The following TANK variants were observed in gnomAD, a reference collection of about 807,000 sequenced individuals.
The protein encoded by TANK is TRAF family member-associated NF-kappa-B activator.
A neutral mutation model predicts 43.6 loss-of-function variants in TANK; 15 were observed. The observed-to-expected ratio is 0.34, with a 90% CI of 0.23 to 0.53. The LOEUF is 0.53. Ranked by LOEUF, TANK falls within the 20% of genes least tolerant of loss-of-function variation. The probability of loss-of-function intolerance (pLI) is 0.94; values close to 1 mark genes in which losing one functional copy is unlikely to be tolerated. For synonymous variants in TANK, 162 were observed against 178.2 expected, an observed-to-expected ratio of 0.91 and a Z score of 0.73; for missense variants, 417 against 498.6, an observed-to-expected ratio of 0.84 and a Z score of 1.56.
chr2:161,184,514 A>G (rs1685570709), intron 2 of TANK, among the ~76,000 whole-genome samples: 2 of 152,140 alleles, frequency 1.3e-5, no homozygotes, highest in South Asian at 4.1e-4. Flanking sequence ...TTATACCTCA[A>G]TTTTTTAAAA....
chr2:161,142,810 T>C (rs907294757), intron 1 of TANK, among the ~76,000 whole-genome samples: 7 of 152,192 alleles, frequency 4.6e-5, no homozygotes, highest in African/African-American at 1.7e-4. Flanking sequence ...ATGGACTCTT[T>C]TGGGGTTTCC....
intron 4 of TANK, among the ~76,000 whole-genome samples, chr2:161,218,170 A>G (rs1245858424): frequency 6.6e-6 from 1 of 152,188 alleles, no homozygotes; most frequent in African/African-American, 2.4e-5. Flanking sequence ...ACGCAGCAAA[A>G]AAAAGGCTAT....
intron 1 of TANK, among the ~76,000 whole-genome samples, chr2:161,171,304 G>A (rs751318516): frequency 2.6e-5 from 4 of 152,146 alleles, no homozygotes; most frequent in South Asian, 2.1e-4. Flanking sequence ...ATTAGATCTG[G>A]TTTTAAGCTA....
At chr2:161,156,378 C>G (rs981717600), upstream of TANK, 1 of 985,028 alleles carries the variant, frequency 1.0e-6, no homozygotes, top group Non-Finnish European at 1.2e-6. Flanking sequence ...TTTTATTTCA[C>G]CTTGTCTCTA....
chr2:161,216,636 A>G (rs895030640), intron 4 of TANK, among the ~76,000 whole-genome samples: 1 of 148,512 alleles, frequency 6.7e-6, no homozygotes, highest in Non-Finnish European at 1.5e-5. Context: ...TGGGAATTTT[A>G]TTACTCAGGA....
intron 1 of TANK, among the ~76,000 whole-genome samples, chr2:161,173,482 C>T (rs538180322): frequency 4.6e-5 from 7 of 152,170 alleles, no homozygotes; most frequent in African/African-American, 1.7e-4. Flanking sequence ...TTCTATTGAG[C>T]CTTTATCTTG....
In TANK at chr2:161,160,480, G is replaced by T; in HGVS notation, c.-56G>T. 8.0e-7 allele frequency: 1 copy of T among 1,244,406 alleles called. No individual in the cohort carries two copies. Among genetic ancestry groups the T allele is most frequent in the Non-Finnish European group, 1.0e-6 (1 of 993,582 alleles). The allele number at this position is 1,244,406 out of a possible 1,614,324, so 77.1% of individuals were successfully genotyped here. A position where few individuals can be genotyped will look rare whatever the true frequency, so the allele number is the denominator to read the frequency against. On this transcript the variant is annotated 5_prime_UTR_variant, in exon 1 of 8. Coordinates refer to ENST00000392749, the MANE Select transcript of TANK (RefSeq NM_001199135.3). ...GGAGAGGGAACGCAGCTGAAAGCGT[G>T]AACTGTGTGAGTAAGAAACTTTGTG...
At chr2:161,200,259 G>A (rs908116981) in intron 2 of TANK, 10 of 667,598 alleles carry the variant, frequency 1.5e-5, no homozygotes, top group East Asian at 1.4e-4. Flanking sequence ...TTTCTGTTTC[G>A]TGGGGTCTTT....
intron 4 of TANK, among the ~76,000 whole-genome samples, chr2:161,205,514 A>G (rs1180437861): frequency 1.3e-5 from 2 of 152,056 alleles, no homozygotes; most frequent in East Asian, 3.8e-4. Context: ...AGAAAAATAC[A>G]CCCAACTAGC....
At chr2:161,222,291 C>T (rs1318018362) in intron 4 of TANK, among the ~76,000 whole-genome samples, 2 of 151,886 alleles carry the variant, frequency 1.3e-5, no homozygotes, top group Admixed American at 6.6e-5. Flanking sequence ...CTTGCTCTGT[C>T]GCCCAGGCTG....
chr2:161,153,329 A>T (rs1684130039), intron 1 of TANK, among the ~76,000 whole-genome samples: 1 of 152,054 alleles, frequency 6.6e-6, no homozygotes, highest in South Asian at 2.1e-4. Context: ...AGTCCAATAT[A>T]GAGGCCTTCT....
chr2:161,183,767 G>A (rs1044078296), intron 2 of TANK, among the ~76,000 whole-genome samples: 1 of 151,892 alleles, frequency 6.6e-6, no homozygotes, highest in African/African-American at 2.4e-5. Flanking sequence ...AACATTTATT[G>A]AGTACCTCCT....
At chr2:161,209,360 A>G (rs2105355018) in intron 4 of TANK, among the ~76,000 whole-genome samples, 1 of 152,356 alleles carries the variant, frequency 6.6e-6, no homozygotes, top group Admixed American at 6.5e-5. Flanking sequence ...ATTTTCAGAC[A>G]TAGTAACTTA....
At chr2:161,172,406 T>A in intron 1 of TANK, among the ~76,000 whole-genome samples, 1 of 147,342 alleles carries the variant, frequency 6.8e-6, no homozygotes, top group African/African-American at 2.5e-5. Context: ...TAATTGGCCA[T>A]CCAAGGATGT....
At chr2:161,198,631 C>A (rs41517051) in intron 2 of TANK, among the ~76,000 whole-genome samples, 6,200 of 152,326 alleles carry the variant, frequency 0.041, 263 homozygotes, top group East Asian at 0.18. Context: ...GAGACAAATA[C>A]TTTATATATT....
chr2:161,166,397 G>A (rs1368672222), intron 1 of TANK, among the ~76,000 whole-genome samples: 5 of 152,184 alleles, frequency 3.3e-5, no homozygotes, highest in Non-Finnish European at 1.5e-5. Flanking sequence ...CTTAAAAGTG[G>A]AAAATGATCA....
chr2:161,140,293 G>A (rs983628922), intron 1 of TANK, among the ~76,000 whole-genome samples: 1 of 151,984 alleles, frequency 6.6e-6, no homozygotes, highest in African/African-American at 2.4e-5. Context: ...CATTGTTATT[G>A]ATCTATTTGG....
intron 4 of TANK, among the ~76,000 whole-genome samples, chr2:161,207,028 T>A (rs1024300044): frequency 6.6e-6 from 1 of 152,120 alleles, no homozygotes; most frequent in African/African-American, 2.4e-5. Context: ...TTGTTTTTTT[T>A]AATTTGGATA....
chr2:161,173,966 G>GT (rs1354859029), intron 1 of TANK, among the ~76,000 whole-genome samples: 1 of 152,096 alleles, frequency 6.6e-6, no homozygotes, highest in African/African-American at 2.4e-5. Context: ...TGTTATGGAA[G>GT]TTACACCCAT....
Sources: allele counts gnomAD v4.1 joint callset (sites outside exome capture counted in the v4.1 genomes callset), GRCh38; gene constraint gnomAD v4.1.1; transcripts MANE v1.5; gene names NCBI Gene and HGNC (gene_info 2026-07-23, HGNC 2026-07-21).